KCNQ1: variants seen among roughly 807,000 people sequenced by gnomAD.
KCNQ1 encodes potassium voltage-gated channel subfamily KQT member 1.
KCNQ1 carries 49 observed loss-of-function variants against 72.4 expected under a neutral mutation model. That is an observed-to-expected ratio of 0.68 (90% CI 0.54 to 0.86). The LOEUF (loss-of-function observed/expected upper bound fraction) is 0.86. Ranked by LOEUF, KCNQ1 falls within the 40% of genes least tolerant of loss-of-function variation. The pLI, the probability that KCNQ1 is intolerant of heterozygous loss-of-function variation, is 0.00. For synonymous variants in KCNQ1, 450 were observed against 412.6 expected (o/e 1.09, Z -1.10); for missense variants, 790 against 945.1 (o/e 0.84, Z 2.15).
rs1396968260 is a variant in KCNQ1 at position 2,549,855 on chromosome 11, C to T, written c.478-20773C>T. On this transcript the variant is annotated intron_variant, in intron 2 of 15. Coordinates refer to ENST00000155840, the MANE Select transcript of KCNQ1 (RefSeq NM_000218.3). The surrounding 1 kb of genome is among the most constrained non-coding windows in gnomAD (Gnocchi z 6.2). ...GGCGGAGAGACCCCTGGGCAGGACACCCCTCCCTGGCTTTTCCTTCTGCAC... is the reference window on the plus strand; with the variant it reads ...GGCGGAGAGACCCCTGGGCAGGACATCCCTCCCTGGCTTTTCCTTCTGCAC... 1.3e-5 allele frequency among the ~76,000 whole-genome samples: 2 copies of T among 152,140 alleles called. No individual in the cohort carries two copies. The highest frequency in any genetic ancestry group is 1.3e-4 in the Admixed American group (2 of 15,282).
At position 2,445,172 on chromosome 11, in the gene KCNQ1, G is replaced by C. The variant is rs1589884210; in HGVS notation, c.74G>C (p.Arg25Pro). The change falls in exon 1 of 16, where the codon CGG (arginine) becomes CCG (proline). Residue 25 changes from arginine to proline, a missense_variant. Physicochemically the swap from Arg to Pro is moderately radical, Grantham distance 103 (BLOSUM62 -2). Coordinates refer to ENST00000155840, the MANE Select transcript of KCNQ1 (RefSeq NM_000218.3). ...TGGGGCCGCCTGCCAGGCGCCCGGCGGGGCAGCGCGGGCCTGGCCAAGAAG... is the reference window on the plus strand; with the variant it reads ...TGGGGCCGCCTGCCAGGCGCCCGGCCGGGCAGCGCGGGCCTGGCCAAGAAG... ...WGWGRLPGAR[R>P]GSAGLAKKCP... The C allele has an allele frequency of 8.8e-7, 1 of 1,133,620 alleles. No individual in the cohort carries two copies. Among genetic ancestry groups the C allele is most frequent in the Non-Finnish European group, 1.1e-6 (1 of 922,142 alleles). The allele number at this position is 1,133,620 out of a possible 1,614,324, so 70.2% of individuals were successfully genotyped here. A position where few individuals can be genotyped will look rare whatever the true frequency, so the allele number is the denominator to read the frequency against.
chr11:2,609,741 C>G, intron 10 of KCNQ1: 1 of 398,268 alleles, frequency 2.5e-6, no homozygotes, highest in Non-Finnish European at 4.4e-6. Flanking sequence ...ATTGTATCTT[C>G]TCATGAATTG....
intron 15 of KCNQ1, among the ~76,000 whole-genome samples, 195 bp from the exon 16 acceptor site, chr11:2,847,572 T>C (rs1848356124): frequency 1.3e-5 from 2 of 152,150 alleles, no homozygotes; most frequent in Admixed American, 6.5e-5. Flanking sequence ...ACATGCACAT[T>C]CCTTGCACAC....
At chr11:2,580,269 C>T (rs1848479854) in intron 6 of KCNQ1, among the ~76,000 whole-genome samples, 2 of 151,940 alleles carry the variant, frequency 1.3e-5, no homozygotes, top group South Asian at 2.1e-4. Flanking sequence ...GGGAGGCAGC[C>T]GTGCCCAGGC....
chr11:2,575,514 C>T (rs1848409943), intron 6 of KCNQ1, among the ~76,000 whole-genome samples: 1 of 152,226 alleles, frequency 6.6e-6, no homozygotes, highest in Non-Finnish European at 1.5e-5. Context: ...CAAGAAGGGG[C>T]AGCAGCCCAG....
At chr11:2,823,785 C>T (rs557615775) in intron 15 of KCNQ1, among the ~76,000 whole-genome samples, 36 of 152,332 alleles carry the variant, frequency 2.4e-4, no homozygotes, top group African/African-American at 7.9e-4. Flanking sequence ...TACCCCCTGG[C>T]TCTGTGGGGG....
At chr11:2,643,854 CTT>C (rs1382240101) in intron 10 of KCNQ1, 2 of 398,408 alleles carry the variant, frequency 5.0e-6, no homozygotes, top group African/African-American at 2.1e-5. Flanking sequence ...ACGAATATAA[CTT>C]TGCTAAGTAC....
chr11:2,516,735 C>G lies in KCNQ1; in HGVS notation c.387-11193C>G, dbSNP rs1443826966. Among the ~76,000 whole-genome samples, 1 of 152,142 alleles carries G rather than the reference C, an allele frequency of 6.6e-6. No homozygotes were observed. The highest frequency in any genetic ancestry group is 1.5e-5 in the Non-Finnish European group (1 of 68,038). Reference sequence around the variant, plus strand: ...AAGTTTTATTAGGACACAGCCATGCCCGGCCGAATATTGCCACAGAGGCCA... The same window carrying G: ...AAGTTTTATTAGGACACAGCCATGCGCGGCCGAATATTGCCACAGAGGCCA... On this transcript the variant is annotated intron_variant, in intron 1 of 15. Coordinates refer to ENST00000155840, the MANE Select transcript of KCNQ1 (RefSeq NM_000218.3). This position sits in a 1 kb window ranked among gnomAD's most constrained non-coding sequence, Gnocchi z 7.0.
intron 1 of KCNQ1, among the ~76,000 whole-genome samples, chr11:2,460,736 G>C (rs1030466723): frequency 1.3e-5 from 2 of 152,232 alleles, no homozygotes; most frequent in Non-Finnish European, 2.9e-5. Context: ...CCCCCCATCC[G>C]GGTGGCTGTG....
At position 2,704,127 on chromosome 11, in the gene KCNQ1, A is replaced by G. The variant is rs1448607860; in HGVS notation, c.1514+42046A>G. Among the ~76,000 whole-genome samples, 1 of 152,150 alleles carries G rather than the reference A, an allele frequency of 6.6e-6. No individual in the cohort carries two copies. The highest frequency in any genetic ancestry group is 2.4e-5 in the African/African-American group (1 of 41,436). ...GCTTTTTGCATGCATTGGTCCACAC[A>G]CCCACCACTGCAGCTGTCCTGGGTA... On this transcript the variant is annotated intron_variant, in intron 11 of 15. Transcript: ENST00000155840. The surrounding 1 kb of genome is among the most constrained non-coding windows in gnomAD (Gnocchi z 4.3).
rs958641066 is a variant in KCNQ1, at chr11:2,626,029, A to G, written c.1394-35932A>G. On this transcript the variant is annotated intron_variant, in intron 10 of 15. Coordinates refer to ENST00000155840, the MANE Select transcript of KCNQ1 (RefSeq NM_000218.3). The surrounding 1 kb of genome is among the most constrained non-coding windows in gnomAD (Gnocchi z 4.0). ...AGTTGATATTATTTTAATGCACACA[A>G]TGTAAATTTTTAAAATTTATCTAGT... The G allele has an allele frequency of 1.3e-5, 5 of 398,528 alleles. No homozygotes were observed. Among genetic ancestry groups the G allele is most frequent in the Admixed American group, 8.8e-5 (2 of 22,720 alleles). The allele number at this position is 398,528 out of a possible 1,614,324, so 24.7% of individuals were successfully genotyped here.
chr11:2,469,266 T>G (rs1010983737), intron 1 of KCNQ1, among the ~76,000 whole-genome samples: 3 of 152,082 alleles, frequency 2.0e-5, no homozygotes, highest in Non-Finnish European at 2.9e-5. Context: ...TTCAAGAGTT[T>G]TTTTTTTTTT....
At chr11:2,799,373 C>CAAGTGTGTGTGT (rs1348147559) in intron 15 of KCNQ1, among the ~76,000 whole-genome samples, 8 of 124,730 alleles carry the variant, frequency 6.4e-5, no homozygotes, top group Non-Finnish European at 1.1e-4. Context: ...GCTGTAAGTT[C>CAAGTGTGTGTGT]GAGTGTGTGT....
intron 2 of KCNQ1, among the ~76,000 whole-genome samples, chr11:2,560,211 G>A (rs1170045116): frequency 9.2e-6 from 1 of 108,496 alleles, no homozygotes; most frequent in Non-Finnish European, 2.0e-5. Flanking sequence ...CTGGGGGGAC[G>A]GAGGCGTGAC....
chr11:2,789,723 C>G (rs1268863531), intron 15 of KCNQ1, among the ~76,000 whole-genome samples: 1 of 152,222 alleles, frequency 6.6e-6, no homozygotes, highest in African/African-American at 2.4e-5. Flanking sequence ...GCTCTGAGAT[C>G]CACCATGAGT....
At chr11:2,569,435 A>G (rs1848293624) in intron 2 of KCNQ1, among the ~76,000 whole-genome samples, 1 of 152,208 alleles carries the variant, frequency 6.6e-6, no homozygotes, top group Non-Finnish European at 1.5e-5. Context: ...GACTGCTCAT[A>G]GTGGACTCCC....
rs1444887161 is a variant in KCNQ1, at chr11:2,748,297, A to G, written c.1515-20547A>G. Among the ~76,000 whole-genome samples the G allele has an allele frequency of 1.3e-5, 2 of 152,014 alleles. No homozygotes were observed. The highest frequency in any genetic ancestry group is 1.3e-4 in the Admixed American group (2 of 15,270). On this transcript the variant is annotated intron_variant, in intron 11 of 15. Coordinates refer to ENST00000155840, the MANE Select transcript of KCNQ1 (RefSeq NM_000218.3). The surrounding 1 kb of genome is among the most constrained non-coding windows in gnomAD (Gnocchi z 6.2). ...CTGGCATGCCCCCACCCCCTAGCTC[A>G]CCCTGGGTCCACGCAGGGCCTGCTC...
chr11:2,572,500 G>A (rs551574415), intron 5 of KCNQ1, among the ~76,000 whole-genome samples: 1 of 152,222 alleles, frequency 6.6e-6, no homozygotes, highest in African/African-American at 2.4e-5. Context: ...GGCTCTGTGG[G>A]GTGAGGGGAC....
intron 15 of KCNQ1, among the ~76,000 whole-genome samples, chr11:2,792,402 T>A (rs989298544): frequency 6.6e-6 from 1 of 152,114 alleles, no homozygotes; most frequent in East Asian, 1.9e-4. Flanking sequence ...CAGCACACGG[T>A]CCCTTTTACA....
Sources: allele counts gnomAD v4.1 joint callset (sites outside exome capture counted in the v4.1 genomes callset), GRCh38; gene constraint gnomAD v4.1.1; non-coding constraint Gnocchi (gnomAD v3.1); transcripts MANE v1.5; gene names NCBI Gene and HGNC (gene_info 2026-07-23, HGNC 2026-07-21).